POLR1A: variants seen among roughly 807,000 people sequenced by gnomAD.
POLR1A encodes the protein DNA-directed RNA polymerase I subunit RPA1.
POLR1A carries 84 observed loss-of-function variants against 205.3 expected under a neutral mutation model. That is an observed-to-expected ratio of 0.41 (90% CI 0.34 to 0.49). The LOEUF is 0.49. Among genes scored for constraint, POLR1A ranks in the 20% least tolerant of loss-of-function variants. The pLI is 0.22. For synonymous variants in POLR1A, 799 were observed against 863.7 expected (o/e 0.93, Z 1.31); for missense variants, 1,645 against 2,204.5 (o/e 0.75, Z 5.08).
In POLR1A at chr2:86,065,377, T is replaced by C. The variant is rs770900883; in HGVS notation, c.1955A>G (p.His652Arg). The C allele has an allele frequency of 1.9e-6, 3 of 1,614,044 alleles. No individual in the cohort carries two copies. Among genetic ancestry groups the C allele is most frequent in the African/African-American group, 1.3e-5 (1 of 74,910 alleles). ...TTRGCFFTRE[H>R]YMELVYRGLT... Reference sequence around the variant, plus strand: ...TCCTCGGTACACCAGCTCCATATAGTGCTCCCGGGTGAAAAAGCAACCCCG... The same window carrying C: ...TCCTCGGTACACCAGCTCCATATAGCGCTCCCGGGTGAAAAAGCAACCCCG... Residue 652 changes from histidine (H) to arginine (R), a missense_variant, in exon 14 of 34, where the codon CAC (histidine) becomes CGC (arginine). Around this residue, in one of 16 missense-constraint regions of POLR1A, gnomAD observed 339 missense variants for 415.1 expected, o/e 0.82. Coordinates refer to ENST00000263857, the MANE Select transcript of POLR1A (RefSeq NM_015425.6).
At chr2:86,068,898 A>T (rs1211816728) in intron 13 of POLR1A, among the ~76,000 whole-genome samples, 2 of 152,194 alleles carry the variant, frequency 1.3e-5, no homozygotes, top group African/African-American at 4.8e-5. Context: ...GGAGCAGAGG[A>T]TGCTGATTGA....
chr2:86,094,524 A>C (rs1673671533), intron 3 of POLR1A, among the ~76,000 whole-genome samples: 1 of 152,164 alleles, frequency 6.6e-6, no homozygotes, highest in African/African-American at 2.4e-5. Context: ...TTCTCCAAGA[A>C]GCTTTTTTAG....
Position 86,024,293 on chromosome 2 carries a change from AG to A in POLR1A, c.*3129del. On this transcript the variant is annotated 3_prime_UTR_variant, in exon 34 of 34. Coordinates refer to ENST00000263857, the MANE Select transcript of POLR1A (RefSeq NM_015425.6). Reference sequence around the variant, plus strand: ...CATGCTGTACTTTTCCACTTGTATGAGGGACCTAGAGAAGTCAAATTCGTAG... The same window carrying A: ...CATGCTGTACTTTTCCACTTGTATGAGGACCTAGAGAAGTCAAATTCGTAG... 1 of 189,830 alleles carries A rather than the reference AG, an allele frequency of 5.3e-6. No individual in the cohort carries two copies. Among genetic ancestry groups the A allele is most frequent in the Non-Finnish European group, 1.1e-5 (1 of 89,756 alleles). 11.8% of individuals were successfully genotyped at this position (189,830 alleles called of 1,614,324 possible).
In POLR1A at chr2:86,052,783, G is replaced by T. The variant is rs768153524; in HGVS notation, c.2392+34C>A. The T allele has an allele frequency of 2.0e-5, 29 of 1,462,002 alleles. No homozygotes were observed. The Middle Eastern group carries it at 1.7e-3, about 88-fold the overall frequency. 90.6% of individuals were successfully genotyped at this position (1,462,002 alleles called of 1,614,324 possible). A position where few individuals can be genotyped will look rare whatever the true frequency, so the allele number is the denominator to read the frequency against. On this transcript the variant is annotated intron_variant, in intron 16 of 33. Coordinates refer to ENST00000263857, the MANE Select transcript of POLR1A (RefSeq NM_015425.6). ...GATGGCCAGGCGGCTGCGCTGACGG[G>T]TCACTGCCCCAGGGCAGCGAGCCCG... is the stretch of plus-strand genomic sequence containing the variant.
At chr2:86,065,542 G>T in intron 13 of POLR1A, 77 bp from the exon 14 acceptor site, 1 of 1,240,784 alleles carries the variant, frequency 8.1e-7, no homozygotes, top group Non-Finnish European at 1.1e-6. Context: ...TCGCCTGCCT[G>T]GAAGCCACTT....
At chr2:86,042,850 A>T in intron 23 of POLR1A, 124 bp downstream of exon 23, 2 of 737,532 alleles carry the variant, frequency 2.7e-6, no homozygotes, top group Non-Finnish European at 2.4e-6. Flanking sequence ...TTCTGTTCTG[A>T]CTGACGGTGA....
intron 6 of POLR1A, among the ~76,000 whole-genome samples, chr2:86,086,058 AC>A (rs1022399615): frequency 1.6e-5 from 2 of 121,284 alleles, no homozygotes; most frequent in Non-Finnish European, 4.1e-5. Context: ...CACAGCCCTC[AC>A]TTTTTTTTTT....
chr2:86,080,349 TCCTGACCCC>T (rs1208730088), intron 9 of POLR1A, among the ~76,000 whole-genome samples: 8 of 152,118 alleles, frequency 5.3e-5, no homozygotes, highest in Non-Finnish European at 1.0e-4. Flanking sequence ...AATACTGCCT[TCCTGACCCC>T]AATGCTGGAG....
chr2:86,076,380 G>C (rs960862671), intron 11 of POLR1A, among the ~76,000 whole-genome samples: 1 of 152,202 alleles, frequency 6.6e-6, no homozygotes, highest in Non-Finnish European at 1.5e-5. Flanking sequence ...CCGTTCAACA[G>C]AGCATACATA....
intron 28 of POLR1A, among the ~76,000 whole-genome samples, chr2:86,033,183 T>G (rs1042908463): frequency 2.0e-5 from 3 of 152,272 alleles, no homozygotes; most frequent in African/African-American, 7.2e-5. Flanking sequence ...TTGCTCCTAC[T>G]GGTTTTTTCC....
intron 33 of POLR1A, 122 bp from the exon 34 acceptor site, chr2:86,027,645 G>T: frequency 1.1e-6 from 1 of 925,470 alleles, no homozygotes; most frequent in Non-Finnish European, 1.7e-6. Flanking sequence ...CTCTGAAGCT[G>T]ATGGGATCAC....
At chr2:86,043,329 C>T (rs1348319795) in intron 22 of POLR1A, 134 bp from the exon 23 acceptor site, 19 of 688,900 alleles carry the variant, frequency 2.8e-5, no homozygotes, top group African/African-American at 1.2e-4. Flanking sequence ...ATGATGGGGC[C>T]GAGCACCACT....
rs34478066 is a variant in POLR1A, at chr2:86,043,950, G to A, written c.3135+189C>T. Among the ~76,000 whole-genome samples, 57,140 of 152,096 alleles carry A rather than the reference G, an allele frequency of 0.38. 13,482 individuals are homozygous for A. Among genetic ancestry groups the A allele is most frequent in the Non-Finnish European group, 0.54 (36,437 of 67,942 alleles). ...CTCGTGCCCTCCAGCCACCTCAAGT[G>A]ATGAAAGTTCACAGGCTTTGAAATT... On this transcript the variant is annotated intron_variant, in intron 22 of 33. Transcript: ENST00000263857.
chr2:86,030,439 G>C, intron 30 of POLR1A, 43 bp from the exon 31 acceptor site: 2 of 1,410,778 alleles, frequency 1.4e-6, no homozygotes, highest in South Asian at 2.3e-5. Flanking sequence ...AGCTACTCCA[G>C]TCCCCACAAA....
At chr2:86,048,831 T>A (rs865835198) in intron 18 of POLR1A, 53 bp downstream of exon 18, 141 of 1,532,260 alleles carry the variant, frequency 9.2e-5, no homozygotes, top group Admixed American at 8.7e-4. Flanking sequence ...GTAATTTTTT[T>A]AAAAATCAGC....
intron 18 of POLR1A, 101 bp downstream of exon 18, chr2:86,048,783 G>C (rs1672749869): frequency 9.2e-7 from 1 of 1,086,860 alleles, no homozygotes; most frequent in Non-Finnish European, 1.4e-6. Flanking sequence ...CTGTTCAACA[G>C]CCAAGGTGCT....
chr2:86,090,381 C>A, intron 3 of POLR1A, among the ~76,000 whole-genome samples: 1 of 71,556 alleles, frequency 1.4e-5, no homozygotes, highest in Non-Finnish European at 2.9e-5. Flanking sequence ...AGCCAGACAC[C>A]ATCTCAAAAA....
chr2:86,097,133 T>C (rs535737591), intron 3 of POLR1A, among the ~76,000 whole-genome samples: 13 of 143,290 alleles, frequency 9.1e-5, no homozygotes, highest in Middle Eastern at 3.9e-3. Flanking sequence ...ACATCACTAG[T>C]CATTGAGAAA....
At chr2:86,031,867 C>G (rs1014501111) in intron 29 of POLR1A, among the ~76,000 whole-genome samples, 1 of 152,246 alleles carries the variant, frequency 6.6e-6, no homozygotes, top group African/African-American at 2.4e-5. Context: ...GGAGCTCACC[C>G]TCACTCAGCC....
Sources: allele counts gnomAD v4.1 joint callset (sites outside exome capture counted in the v4.1 genomes callset), GRCh38; gene constraint gnomAD v4.1.1; regional missense constraint gnomAD v4.1.1; transcripts MANE v1.5; gene names NCBI Gene and HGNC (gene_info 2026-07-23, HGNC 2026-07-21).